ARHGAP25: variants seen among roughly 807,000 people sequenced by gnomAD.
The protein encoded by ARHGAP25 is rho GTPase-activating protein 25.
In ARHGAP25, 34 loss-of-function variants were observed where a neutral mutation model predicts 71.0. The ratio of observed to expected loss-of-function variants is 0.48; its 90% confidence interval spans 0.36 to 0.64. ARHGAP25 has a LOEUF of 0.64. ARHGAP25 is among the 30% of genes least tolerant of loss of function. The pLI is 0.00. For missense variants in ARHGAP25, 706 were observed against 805.1 expected (o/e 0.88, Z 1.49); for synonymous variants, 282 against 296.5 (o/e 0.95, Z 0.50).
In ARHGAP25 at chr2:68,720,329, A is replaced by AAAAG. The variant is rs1553391460; in HGVS notation, c.-18+9634_-18+9635insGAAA. Among the ~76,000 whole-genome samples the AAAAG allele has an allele frequency of 5.8e-3, 874 of 149,438 alleles. 10 individuals carry two copies. Among genetic ancestry groups the AAAAG allele is most frequent in the African/African-American group, 0.02 (827 of 40,356 alleles). ...AAACATTTCAGTCAAAAAAAAAAAAAAAAAGAAAAGAAAAGAAAAGAAAAA... is the reference window on the plus strand; with the variant it reads ...AAACATTTCAGTCAAAAAAAAAAAAAAAAGAAAAGAAAAGAAAAGAAAAGAAAAA... On this transcript the variant is annotated intron_variant and NMD_transcript_variant, in intron 2 of 7. Transcript: ENST00000463483.
At chr2:68,743,196 G>A (rs1675608672) in intron 1 of ARHGAP25, among the ~76,000 whole-genome samples, 1 of 152,138 alleles carries the variant, frequency 6.6e-6, no homozygotes, top group Non-Finnish European at 1.5e-5. Context: ...CCTCCTCCAT[G>A]ACTTAGTGCT....
chr2:68,817,292 G>T (rs1681306281), intron 7 of ARHGAP25, among the ~76,000 whole-genome samples: 1 of 152,170 alleles, frequency 6.6e-6, no homozygotes, highest in South Asian at 2.1e-4. Flanking sequence ...CTTTGAGAGA[G>T]TATTTAGAAA....
chr2:68,822,528 G>A lies in ARHGAP25; in HGVS notation c.1389G>A (p.Met463Ile), dbSNP rs747020305. 1.2e-6 allele frequency: 2 copies of A among 1,614,216 alleles called. No individual in the cohort carries two copies. Among genetic ancestry groups the A allele is most frequent in the South Asian group, 2.2e-5 (2 of 91,084 alleles). Residue 463 changes from methionine to isoleucine, a missense_variant, in exon 10 of 11, where the codon ATG becomes ATA. Transcript: ENST00000409202. ...SAFQGANSSK[M>I]EIFKNEFWSP... ...TTCAGGGTGCCAACAGCAGCAAAAT[G>A]GAGATCTTTAAAAATGAATTCTGGT...
At chr2:68,742,465 G>C (rs1429774237) in intron 1 of ARHGAP25, among the ~76,000 whole-genome samples, 1 of 152,214 alleles carries the variant, frequency 6.6e-6, no homozygotes, top group Non-Finnish European at 1.5e-5. Flanking sequence ...CGGTCACTGT[G>C]TGACGTTGGA....
chr2:68,791,189 C>T (rs749346257), intron 4 of ARHGAP25, among the ~76,000 whole-genome samples: 2 of 152,212 alleles, frequency 1.3e-5, no homozygotes, highest in African/African-American at 2.4e-5. Flanking sequence ...TGGCACATAA[C>T]CTCTTCTAAC....
Position 68,735,085 on chromosome 2 carries a change from A to T in ARHGAP25, c.-115A>T, listed in dbSNP as rs1675133634. The T allele has an allele frequency of 1.1e-6, 1 of 916,030 alleles. No homozygotes were observed. The highest frequency in any genetic ancestry group is 1.7e-5 in the Admixed American group (1 of 57,534). The allele number at this position is 916,030 out of a possible 1,614,324, so 56.7% of individuals were successfully genotyped here. A position where few individuals can be genotyped will look rare whatever the true frequency, so the allele number is the denominator to read the frequency against. On this transcript the variant is annotated 5_prime_UTR_variant, in exon 1 of 11. Transcript: ENST00000409202. ...GCCTAAGATTGCTTGTGAAGCAATCATAAGGAGGAACAAAAACAGACACAA... is the reference window on the plus strand; with the variant it reads ...GCCTAAGATTGCTTGTGAAGCAATCTTAAGGAGGAACAAAAACAGACACAA...
At chr2:68,804,392 A>G (rs1371402575) in intron 4 of ARHGAP25, among the ~76,000 whole-genome samples, 2 of 152,240 alleles carry the variant, frequency 1.3e-5, no homozygotes, top group Non-Finnish European at 2.9e-5. Context: ...GACCTCTCAA[A>G]AGAGAATTTT....
chr2:68,781,964 A>C (rs941281395), intron 2 of ARHGAP25, among the ~76,000 whole-genome samples: 2 of 152,148 alleles, frequency 1.3e-5, no homozygotes. Context: ...GGAAGAGGCA[A>C]GTATTGGTGA....
At chr2:68,815,840 A>G (rs1278870003) in intron 6 of ARHGAP25, among the ~76,000 whole-genome samples, 1 of 152,016 alleles carries the variant, frequency 6.6e-6, no homozygotes, top group African/African-American at 2.4e-5. Flanking sequence ...GTGTCCCGGC[A>G]TGTCTCAGAT....
chr2:68,774,810 C>T (rs893823701), intron 1 of ARHGAP25: 12 of 1,102,466 alleles, frequency 1.1e-5, no homozygotes, highest in South Asian at 2.4e-5. Flanking sequence ...CCCGAGCCTT[C>T]AGAGTGAGGC....
At chr2:68,776,534 T>G (rs1156762758) in intron 2 of ARHGAP25, among the ~76,000 whole-genome samples, 1 of 152,174 alleles carries the variant, frequency 6.6e-6, no homozygotes, top group African/African-American at 2.4e-5. Flanking sequence ...CAAACAGGAT[T>G]TCCTGATGCA....
intron 2 of ARHGAP25, among the ~76,000 whole-genome samples, chr2:68,722,476 G>C (rs1171859330): frequency 6.6e-6 from 1 of 152,000 alleles, no homozygotes; most frequent in African/African-American, 2.4e-5. Context: ...TATTCGGGAG[G>C]CTGAGGCAGG....
At position 68,767,998 on chromosome 2, in the gene ARHGAP25, C is replaced by T. The variant is rs143473392; in HGVS notation, c.62-7223C>T. On this transcript the variant is annotated intron_variant, in intron 1 of 10. Transcript: ENST00000409202. The surrounding 1 kb of genome is among the most constrained non-coding windows in gnomAD (Gnocchi z 4.6). Reference sequence around the variant, plus strand: ...TTCTTTAACCCTGTGAATTACTAGACATGGATTCCATCTCCAATGTGGATG... The same window carrying T: ...TTCTTTAACCCTGTGAATTACTAGATATGGATTCCATCTCCAATGTGGATG... 1.1e-3 allele frequency among the ~76,000 whole-genome samples: 169 copies of T among 152,322 alleles called. No individual in the cohort carries two copies. Among genetic ancestry groups the T allele is most frequent in the African/African-American group, 3.3e-3 (138 of 41,578 alleles).
chr2:68,816,182 G>C (rs1405384771), intron 6 of ARHGAP25, 107 bp from the exon 7 acceptor site: 1 of 897,656 alleles, frequency 1.1e-6, no homozygotes, highest in Non-Finnish European at 1.9e-6. Context: ...GACTGCCAAA[G>C]TGTTGTTTCT....
intron 4 of ARHGAP25, among the ~76,000 whole-genome samples, chr2:68,801,141 T>C (rs1053245122): frequency 1.3e-5 from 2 of 152,172 alleles, no homozygotes; most frequent in Admixed American, 6.5e-5. Context: ...TTCTCTCATG[T>C]AAGAAGTGAC....
At chr2:68,758,920 T>C (rs1676645172) in intron 1 of ARHGAP25, among the ~76,000 whole-genome samples, 1 of 151,918 alleles carries the variant, frequency 6.6e-6, no homozygotes, top group South Asian at 2.1e-4. Context: ...CCAGCCACAA[T>C]GGGATAAAAT....
At chr2:68,799,892 C>T (rs1426880397) in intron 4 of ARHGAP25, among the ~76,000 whole-genome samples, 1 of 152,186 alleles carries the variant, frequency 6.6e-6, no homozygotes, top group Admixed American at 6.5e-5. Flanking sequence ...GAGGGAAGGC[C>T]TGAGGCTGGC....
intron 10 of ARHGAP25, among the ~76,000 whole-genome samples, chr2:68,823,987 C>G (rs1015051922): frequency 8.5e-5 from 13 of 152,144 alleles, no homozygotes; most frequent in Non-Finnish European, 1.8e-4. Context: ...AATGTGAATT[C>G]GTGGGCTCTT....
intron 1 of ARHGAP25, among the ~76,000 whole-genome samples, chr2:68,757,021 G>A (rs1326837326): frequency 6.6e-6 from 1 of 152,040 alleles, no homozygotes; most frequent in African/African-American, 2.4e-5. Flanking sequence ...TACAATAACT[G>A]AAATGAAAAT....
Sources: gnomAD v4.1 joint callset for allele counts (sites outside exome capture counted in the v4.1 genomes callset) on GRCh38, gnomAD v4.1.1 for gene constraint, Gnocchi (gnomAD v3.1) non-coding constraint, MANE v1.5 for transcripts, NCBI Gene and HGNC (gene_info 2026-07-23, HGNC 2026-07-21) for gene names.